OGG1: variants seen among roughly 807,000 people sequenced by gnomAD.
OGG1 encodes the protein 8-oxoguanine DNA glycosylase, also known as N-glycosylase/DNA lyase.
A neutral mutation model predicts 42.3 loss-of-function variants in OGG1; 35 were observed. That is an observed-to-expected ratio of 0.83 (90% CI 0.63 to 1.10). OGG1 has a LOEUF of 1.10. Ranked by LOEUF, OGG1 falls within the 50% of genes least tolerant of loss-of-function variation. The pLI, the probability that OGG1 is intolerant of heterozygous loss-of-function variation, is 0.00. For missense variants in OGG1, 484 were observed against 446.7 expected (o/e 1.08, Z -0.75); for synonymous variants, 189 against 179.0 (o/e 1.06, Z -0.44).
chr3:9,761,705 G>A (rs559224420), downstream of OGG1: 22 of 1,614,158 alleles, frequency 1.4e-5, no homozygotes, highest in South Asian at 2.4e-4. Context: ...GCCAAAGTCG[G>A]AGATCATGAT....
intron 3 of OGG1, among the ~76,000 whole-genome samples, chr3:9,753,210 G>A (rs1245756213): frequency 6.6e-6 from 1 of 152,126 alleles, no homozygotes; most frequent in Non-Finnish European, 1.5e-5. Flanking sequence ...TGGGCGTGGT[G>A]GCAGGTACCT....
At position 9,750,019 on chromosome 3, in the gene OGG1, G is replaced by A. The variant is rs2077220853; in HGVS notation, c.-268G>A. The A allele has an allele frequency of 1.9e-6, 1 of 529,424 alleles. No homozygotes were observed. Among genetic ancestry groups the A allele is most frequent in the Non-Finnish European group, 3.4e-6 (1 of 295,602 alleles). The allele number at this position is 529,424 out of a possible 1,614,324, so 32.8% of individuals were successfully genotyped here. A position where few individuals can be genotyped will look rare whatever the true frequency, so the allele number is the denominator to read the frequency against. On this transcript the variant is annotated 5_prime_UTR_variant, in exon 1 of 7. Coordinates refer to ENST00000344629, the MANE Select transcript of OGG1 (RefSeq NM_002542.6). The stretch of plus-strand genomic sequence containing the variant: ...GCTGTGCGCGCCCACAGGCTCTGGG[G>A]GCGGGAGAAGATAAGTCGCAAGGAG...
intron 2 of OGG1, 44 bp from the exon 3 acceptor site, chr3:9,751,726 C>T: frequency 6.3e-7 from 1 of 1,592,164 alleles, no homozygotes; most frequent in Non-Finnish European, 8.6e-7. Flanking sequence ...AGGCCACACC[C>T]AACAGCAGGT....
rs2077322335 is a variant in OGG1 at position 9,751,933 on chromosome 3, C to G, written c.549C>G (p.Ser183Arg). Residue 183 changes from serine to arginine, a missense_variant, in exon 3 of 7, where the codon AGC becomes AGG. Ser to Arg is a moderately radical substitution (Grantham distance 110, BLOSUM62 -1). Transcript: ENST00000344629. ...LDDVTYHGFPSLQALAGPEVE... is the reference protein window; with the variant it reads ...LDDVTYHGFPRLQALAGPEVE... The stretch of plus-strand genomic sequence containing the variant: ...ATGTCACCTACCATGGCTTCCCCAG[C>G]CTGCAGGCCCTGGCTGGTGAGTAGG... 1.2e-6 allele frequency: 2 copies of G among 1,614,178 alleles called. No individual in the cohort carries two copies. The highest frequency in any genetic ancestry group is 2.2e-5 in the East Asian group (1 of 44,890).
At chr3:9,766,432 G>T in exon 8 of OGG1, 1 of 446,314 alleles carries the variant, frequency 2.2e-6, no homozygotes, top group Non-Finnish European at 4.1e-6. Flanking sequence ...AGCATCACCC[G>T]GGAACTTTTT....
chr3:9,775,478 C>T (rs571233197), intron 2 of OGG1, among the ~76,000 whole-genome samples: 10 of 152,184 alleles, frequency 6.6e-5, no homozygotes, highest in Non-Finnish European at 1.5e-4. Flanking sequence ...CACCCTCACT[C>T]CCTCTCATTA....
At chr3:9,762,810 A>C (rs1335541923) in intron 7 of OGG1, 15 of 1,131,048 alleles carry the variant, frequency 1.3e-5, no homozygotes, top group Non-Finnish European at 1.9e-5. Flanking sequence ...ATGGAAATCC[A>C]AGGCTCAGTG....
intron 2 of OGG1, chr3:9,780,451 CG>C: frequency 6.2e-7 from 1 of 1,612,196 alleles, no homozygotes; most frequent in Non-Finnish European, 8.5e-7. Flanking sequence ...CTTCTTCTGC[CG>C]GGCAGCCATG....
At chr3:9,753,204 C>T (rs144366196) in intron 3 of OGG1, among the ~76,000 whole-genome samples, 98 of 151,824 alleles carry the variant, frequency 6.5e-4, no homozygotes, top group African/African-American at 2.2e-3. Context: ...ATTAGCTGGG[C>T]GTGGTGGCAG....
Position 9,754,712 on chromosome 3 carries a change from G to A in OGG1, c.574G>A (p.Val192Met), listed in dbSNP as rs766202201. ...PSLQALAGPE[V>M]EAHLRKLGLG... ...CTCCTCACTCCCCGCAGGGCCAGAG[G>A]TGGAGGCTCATCTCAGGAAGCTGGG... The change falls in exon 4 of 7, where the codon GTG (valine) becomes ATG (methionine). Residue 192 changes from valine (V) to methionine (M), a missense_variant. Physicochemically the swap from Val to Met is conservative, Grantham distance 21. Coordinates refer to ENST00000344629, the MANE Select transcript of OGG1 (RefSeq NM_002542.6). 9 of 1,614,142 alleles carry A rather than the reference G, an allele frequency of 5.6e-6. No individual in the cohort carries two copies. In the South Asian group the frequency reaches 7.7e-5, roughly 14 times the overall value.
intron 2 of OGG1, among the ~76,000 whole-genome samples, chr3:9,774,299 C>T (rs1402774588): frequency 6.6e-6 from 1 of 151,206 alleles, no homozygotes; most frequent in Non-Finnish European, 1.5e-5. Context: ...GTCCCAGCTA[C>T]TCGGGAGGCT....
At chr3:9,772,710 G>T (rs2078316614) in intron 2 of OGG1, among the ~76,000 whole-genome samples, 1 of 152,148 alleles carries the variant, frequency 6.6e-6, no homozygotes, top group Admixed American at 6.5e-5. Flanking sequence ...GTTGCCAGGA[G>T]AATTAGGGTG....
intron 2 of OGG1, among the ~76,000 whole-genome samples, chr3:9,774,300 TCG>T (rs1351950002): frequency 6.6e-6 from 1 of 151,352 alleles, no homozygotes; most frequent in Non-Finnish European, 1.5e-5. Flanking sequence ...TCCCAGCTAC[TCG>T]GGAGGCTGAT....
rs750224987 is a variant in OGG1 at position 9,757,303 on chromosome 3, C to G, written c.*153C>G. 1.4e-5 allele frequency: 23 copies of G among 1,614,066 alleles called. No homozygotes were observed. The African/African-American group carries it at 2.8e-4, about 20-fold the overall frequency. The stretch of plus-strand genomic sequence containing the variant: ...CCCCAAATCAAGCAGTCAGTTTGCA[C>G]AACAAGATGGGGTGGGGGATATTGA... On this transcript the variant is annotated 3_prime_UTR_variant, in exon 7 of 7. Coordinates refer to ENST00000344629, the MANE Select transcript of OGG1 (RefSeq NM_002542.6). The surrounding 1 kb of genome is among the most constrained non-coding windows in gnomAD (Gnocchi z 4.5).
downstream of OGG1, chr3:9,758,090 A>G: frequency 2.0e-6 from 1 of 492,670 alleles, no homozygotes; most frequent in South Asian, 3.1e-5. Context: ...ACTATAATTC[A>G]TATTAATATG....
chr3:9,790,008 C>T (rs1553709313), downstream of OGG1: 1 of 1,534,684 alleles, frequency 6.5e-7, no homozygotes. Context: ...AGGGAAAACA[C>T]AGAATATCTC....
Position 9,755,430 on chromosome 3 carries a change from A to T in OGG1, c.747+545A>T, listed in dbSNP as rs919208819. Among the ~76,000 whole-genome samples the T allele has an allele frequency of 3.3e-5, 5 of 150,916 alleles. No individual in the cohort carries two copies. The South Asian group carries it at 6.3e-4, about 19-fold the overall frequency. On this transcript the variant is annotated intron_variant, in intron 4 of 6. Coordinates refer to ENST00000344629, the MANE Select transcript of OGG1 (RefSeq NM_002542.6). ...TTTTTGCTTGATGTCAATAGGGTTA[A>T]CTGGCAATAAGATGACTGGAAATTA...
chr3:9,769,615 C>T (rs576608212), downstream of OGG1, among the ~76,000 whole-genome samples: 1 of 152,338 alleles, frequency 6.6e-6, no homozygotes, highest in South Asian at 2.1e-4. Context: ...TCACACAGGC[C>T]CCCTTCTCTA....
intron 2 of OGG1, chr3:9,780,280 TC>T: frequency 6.8e-7 from 1 of 1,460,876 alleles, no homozygotes; most frequent in Non-Finnish European, 9.3e-7. Context: ...GGCCAATGTT[TC>T]CTGTGCCCAA....
Sources: gnomAD v4.1 joint callset for allele counts (sites outside exome capture counted in the v4.1 genomes callset) on GRCh38, gnomAD v4.1.1 for gene constraint, Gnocchi (gnomAD v3.1) non-coding constraint, MANE v1.5 for transcripts, NCBI Gene and HGNC (gene_info 2026-07-23, HGNC 2026-07-21) for gene names.